GRK7: variants seen among roughly 807,000 people sequenced by gnomAD.
GRK7 encodes rhodopsin kinase GRK7.
Under a neutral mutation model 34.1 loss-of-function variants are expected in GRK7, and 24 were observed. The observed-to-expected ratio is 0.70, with a 90% CI of 0.51 to 0.99. The LOEUF is 0.99. GRK7 is among the 50% of genes least tolerant of loss of function. The pLI, the probability that GRK7 is intolerant of heterozygous loss-of-function variation, is 0.00. For missense variants in GRK7, 644 were observed against 707.3 expected (o/e 0.91, Z 1.02); for synonymous variants, 256 against 279.4 (o/e 0.92, Z 0.84).
In GRK7 at chr3:141,816,972, G is replaced by A; in HGVS notation, c.1584G>A (p.Glu528=). The A allele has an allele frequency of 1.9e-6, 3 of 1,614,074 alleles. No homozygotes were observed. In the South Asian group the frequency reaches 3.3e-5, roughly 18 times the overall value. The change falls in exon 6 of 6, where the codon GAG becomes GAA. Residue 528 remains glutamate, a synonymous_variant. Transcript: ENST00000682958. The part of the protein sequence containing the change: ...QEEIIETGLF[E]ELNDPNRPTG... ...AAATTATAGAAACGGGACTGTTTGA[G>A]GAACTGAATGACCCCAACAGACCTA... is the stretch of plus-strand genomic sequence containing the variant.
At chr3:141,770,479 T>G (rs918074034) in intron 1 of GRK7, among the ~76,000 whole-genome samples, 1 of 152,036 alleles carries the variant, frequency 6.6e-6, no homozygotes, top group African/African-American at 2.4e-5. Flanking sequence ...TACTTCAAAT[T>G]ATTAAAAGTG....
intron 5 of GRK7, 73 bp from the exon 6 acceptor site, chr3:141,816,640 CT>C: frequency 1.3e-6 from 1 of 794,508 alleles, no homozygotes; most frequent in Non-Finnish European, 2.0e-6. Context: ...ATGCTACACA[CT>C]TTGTATTGTT....
At chr3:141,766,273 C>G (rs2084580468) in intron 1 of GRK7, among the ~76,000 whole-genome samples, 1 of 152,038 alleles carries the variant, frequency 6.6e-6, no homozygotes, top group African/African-American at 2.4e-5. Flanking sequence ...ACGCCATTCT[C>G]CTGCCTCAGC....
intron 4 of GRK7, among the ~76,000 whole-genome samples, chr3:141,803,808 G>C (rs965640996): frequency 1.3e-5 from 2 of 152,102 alleles, no homozygotes; most frequent in South Asian, 4.1e-4. Flanking sequence ...TGCAACCTCT[G>C]CCTCCCAGGT....
At chr3:141,805,937 C>T (rs529585552) in intron 4 of GRK7, among the ~76,000 whole-genome samples, 1 of 152,274 alleles carries the variant, frequency 6.6e-6, no homozygotes, top group East Asian at 1.9e-4. Flanking sequence ...GCTGGGACTA[C>T]AGGCACACAC....
rs529517902 is a variant in GRK7, at chr3:141,799,670, A to T, written c.1051-7975A>T. 1.2e-4 allele frequency among the ~76,000 whole-genome samples: 19 copies of T among 152,216 alleles called. No individual in the cohort carries two copies. In the South Asian group the frequency reaches 3.9e-3, roughly 32 times the overall value. ...TCTTAGGTTGGTGATCTTAGGCAAGATTTAACCTCTCTATGGTTCAGTTTC... is the reference window on the plus strand; with the variant it reads ...TCTTAGGTTGGTGATCTTAGGCAAGTTTTAACCTCTCTATGGTTCAGTTTC... On this transcript the variant is annotated intron_variant, in intron 4 of 5. Coordinates refer to ENST00000682958, the MANE Select transcript of GRK7 (RefSeq NM_139209.3).
At chr3:141,794,705 A>G (rs1197567646) in intron 4 of GRK7, among the ~76,000 whole-genome samples, 1 of 152,202 alleles carries the variant, frequency 6.6e-6, no homozygotes, top group African/African-American at 2.4e-5. Flanking sequence ...TAATCCAGGT[A>G]AGAGGTGATG....
intron 4 of GRK7, among the ~76,000 whole-genome samples, chr3:141,786,569 A>G (rs997661171): frequency 2.0e-5 from 3 of 152,180 alleles, no homozygotes; most frequent in African/African-American, 7.2e-5. Flanking sequence ...TGATGTCAGG[A>G]GATCAAGACC....
chr3:141,816,820 G>T lies in GRK7; in HGVS notation c.1432G>T (p.Val478Phe), dbSNP rs528234496. 4.3e-6 allele frequency: 7 copies of T among 1,613,582 alleles called. No individual in the cohort carries two copies. The South Asian group carries it at 7.7e-5, about 18-fold the overall frequency. The change falls in exon 6 of 6, where the codon GTT becomes TTT. Residue 478 changes from valine to phenylalanine, a missense_variant. Coordinates refer to ENST00000682958, the MANE Select transcript of GRK7 (RefSeq NM_139209.3). ...EPPFVPDPSV[V>F]YAKDIAEIDD... is the part of the protein sequence containing the mutation. Reference sequence around the variant, plus strand: ...CCCATTTGTGCCAGACCCTTCAGTGGTTTATGCCAAAGACATCGCTGAAAT... The same window carrying T: ...CCCATTTGTGCCAGACCCTTCAGTGTTTTATGCCAAAGACATCGCTGAAAT...
rs920024987 is a variant in GRK7 at position 141,780,230 on chromosome 3, T to G, written c.613-144T>G. On this transcript the variant is annotated intron_variant, in intron 3 of 5. Transcript: ENST00000682958. ...AGGAGTATCGCACTGTAGTCCCCACTTTTTCTTGAGAACACTTCTTATTTA... is the reference window on the plus strand; with the variant it reads ...AGGAGTATCGCACTGTAGTCCCCACGTTTTCTTGAGAACACTTCTTATTTA... 3 of 693,686 alleles carry G rather than the reference T, an allele frequency of 4.3e-6. No individual in the cohort carries two copies. In the African/African-American group the frequency reaches 5.4e-5, roughly 13 times the overall value. The allele number at this position is 693,686 out of a possible 1,614,324, so 43.0% of individuals were successfully genotyped here.
intron 4 of GRK7, among the ~76,000 whole-genome samples, chr3:141,799,554 G>A (rs1207558731): frequency 6.6e-6 from 1 of 152,036 alleles, no homozygotes; most frequent in Non-Finnish European, 1.5e-5. Flanking sequence ...GGAGGTTGCA[G>A]TGAGCCAAGA....
At chr3:141,758,636 G>A (rs199643642), upstream of GRK7, among the ~76,000 whole-genome samples, 366 of 24,660 alleles carry the variant, frequency 0.015, 2 homozygotes, top group Middle Eastern at 0.033. Flanking sequence ...TTGGCGATGC[G>A]GGCTCTTTTT....
rs373556826 is a variant in GRK7 at position 141,785,574 on chromosome 3, G to A, written c.1050+4763G>A. Among the ~76,000 whole-genome samples, 74 of 152,234 alleles carry A rather than the reference G, an allele frequency of 4.9e-4. 1 individual carries two copies. The highest frequency in any genetic ancestry group is 1.7e-3 in the African/African-American group (72 of 41,528). On this transcript the variant is annotated intron_variant, in intron 4 of 5. Transcript: ENST00000682958. ...AGGTCAGGAGTTCGAGACCAGCCTGGCCAACATGTTGAAACCCTGTCTCTA... is the reference window on the plus strand; with the variant it reads ...AGGTCAGGAGTTCGAGACCAGCCTGACCAACATGTTGAAACCCTGTCTCTA...
chr3:141,791,643 C>T (rs2084724584), intron 4 of GRK7, among the ~76,000 whole-genome samples: 1 of 152,188 alleles, frequency 6.6e-6, no homozygotes, highest in South Asian at 2.1e-4. Context: ...CCTTTATTCA[C>T]TCACTCACTC....
chr3:141,792,423 A>G (rs1474587914), intron 4 of GRK7, among the ~76,000 whole-genome samples: 3 of 150,634 alleles, frequency 2.0e-5, no homozygotes, highest in African/African-American at 2.5e-5. Flanking sequence ...AAAAAAAGGG[A>G]ACTTAATAAT....
In GRK7 at chr3:141,778,222, A is replaced by T. The variant is rs542940579; in HGVS notation, c.-63A>T. The T allele has an allele frequency of 3.3e-6, 5 of 1,513,282 alleles. No individual in the cohort carries two copies. In the South Asian group the frequency reaches 6.7e-5, roughly 20 times the overall value. The allele number at this position is 1,513,282 out of a possible 1,614,324, so 93.7% of individuals were successfully genotyped here. A position where few individuals can be genotyped will look rare whatever the true frequency, so the allele number is the denominator to read the frequency against. On this transcript the variant is annotated 5_prime_UTR_variant, in exon 3 of 6. Coordinates refer to ENST00000682958, the MANE Select transcript of GRK7 (RefSeq NM_139209.3). The surrounding 1 kb of genome is among the most constrained non-coding windows in gnomAD (Gnocchi z 4.1). ...TGGACGTTGTCTCACCCGGGAAGGG[A>T]AAGCAGCCAGCAGCCCTCCAGCCCT...
At chr3:141,792,554 C>G (rs572373719) in intron 4 of GRK7, among the ~76,000 whole-genome samples, 25 of 152,168 alleles carry the variant, frequency 1.6e-4, no homozygotes, top group African/African-American at 5.3e-4. Context: ...ATGGGAAATT[C>G]AACTTACATG....
At chr3:141,772,279 G>C (rs900691462) in intron 1 of GRK7, among the ~76,000 whole-genome samples, 16 of 151,936 alleles carry the variant, frequency 1.1e-4, no homozygotes, top group Non-Finnish European at 2.1e-4. Flanking sequence ...ATTTTTAGTA[G>C]AGATGAGGTT....
intron 5 of GRK7, 33 bp from the exon 6 acceptor site, chr3:141,816,681 C>G (rs1253287841): frequency 7.4e-7 from 1 of 1,353,714 alleles, no homozygotes; most frequent in Admixed American, 2.5e-5. Context: ...TTTGTTAACT[C>G]TGTCTCAGGC....
Sources: gnomAD v4.1 joint callset for allele counts (sites outside exome capture counted in the v4.1 genomes callset) on GRCh38, gnomAD v4.1.1 for gene constraint, Gnocchi (gnomAD v3.1) non-coding constraint, MANE v1.5 for transcripts, NCBI Gene and HGNC (gene_info 2026-07-23, HGNC 2026-07-21) for gene names.